Variants in EYS observed in about 807,000 individuals in gnomAD.
EYS encodes EGF-like photoreceptor maintenance factor, also known as protein eyes shut homolog.
Under a neutral mutation model 282.1 loss-of-function variants are expected in EYS, and 250 were observed. The observed-to-expected ratio is 0.89, with a 90% confidence interval of 0.80 to 0.98. EYS has a LOEUF of 0.98. Among genes scored for constraint, EYS ranks in the 50% least tolerant of loss-of-function variants. EYS has a pLI of 0.00. For synonymous variants in EYS, 1,355 were observed against 1,282.9 expected (o/e 1.06, Z -1.20); for missense variants, 4,016 against 3,709.0 (o/e 1.08, Z -2.15).
chr6:64,948,461 TTAAATATTAAATATTAA>T (rs1769367814), intron 14 of EYS, among the ~76,000 whole-genome samples: 1 of 146,962 alleles, frequency 6.8e-6, no homozygotes, highest in Admixed American at 6.9e-5. Flanking sequence ...TTTAATATTA[TTAAATATTAAATATTAA>T]TAACTATTAA....
intron 15 of EYS, among the ~76,000 whole-genome samples, chr6:64,925,812 G>A (rs1192191221): frequency 1.3e-5 from 2 of 152,130 alleles, no homozygotes; most frequent in African/African-American, 4.8e-5. Flanking sequence ...GAGGACAGAG[G>A]CAGCATAGCT....
chr6:65,325,620 TGTC>T (rs1769598214), intron 11 of EYS, among the ~76,000 whole-genome samples: 1 of 152,122 alleles, frequency 6.6e-6, no homozygotes, highest in African/African-American at 2.4e-5. Context: ...TGATTGGATG[TGTC>T]AGGGACAGGG....
At chr6:63,769,749 A>G (rs1427156856) in intron 40 of EYS, among the ~76,000 whole-genome samples, 1 of 152,026 alleles carries the variant, frequency 6.6e-6, no homozygotes, top group African/African-American at 2.4e-5. Context: ...TCTGACCGTC[A>G]ATTTTATAGC....
intron 37 of EYS, among the ~76,000 whole-genome samples, chr6:63,791,236 T>G (rs1229836188): frequency 1.3e-5 from 2 of 152,130 alleles, no homozygotes; most frequent in African/African-American, 4.8e-5. Context: ...GGGAGAACTT[T>G]GCAGCAACCC....
chr6:65,016,549 G>A (rs79456611), intron 13 of EYS, among the ~76,000 whole-genome samples: 3,435 of 152,160 alleles, frequency 0.023, 132 homozygotes, highest in African/African-American at 0.078. Context: ...TAAATAATAG[G>A]GTGGAGATAA....
intron 34 of EYS, among the ~76,000 whole-genome samples, chr6:63,991,883 C>T (rs888523237): frequency 1.3e-5 from 2 of 151,672 alleles, no homozygotes; most frequent in African/African-American, 2.4e-5. Flanking sequence ...ATGAGACTAT[C>T]AGTAGATTTT....
intron 15 of EYS, among the ~76,000 whole-genome samples, chr6:64,940,654 A>G (rs1003481139): frequency 2.0e-5 from 3 of 152,080 alleles, no homozygotes; most frequent in African/African-American, 7.2e-5. Flanking sequence ...AACTAATCCT[A>G]ACTACTGGCA....
At chr6:65,129,927 C>T (rs1187823555) in intron 12 of EYS, among the ~76,000 whole-genome samples, 1 of 151,712 alleles carries the variant, frequency 6.6e-6, no homozygotes, top group African/African-American at 2.4e-5. Flanking sequence ...CAACAGTGTA[C>T]TGGCAAAAGA....
chr6:63,911,121 T>TA (rs5876875), intron 35 of EYS, among the ~76,000 whole-genome samples: 88,871 of 143,494 alleles, frequency 0.62, 27,424 homozygotes, highest in Non-Finnish European at 0.68. Context: ...AGTCATTGGT[T>TA]AAAAAAAAAA....
chr6:64,561,982 A>C lies in EYS; in HGVS notation c.5644+28241T>G, dbSNP rs561389553. 7.9e-5 allele frequency among the ~76,000 whole-genome samples: 12 copies of C among 151,430 alleles called. No homozygotes were observed. The South Asian group carries it at 2.5e-3, about 32-fold the overall frequency. On this transcript the variant is annotated intron_variant, in intron 26 of 42. Transcript: ENST00000503581. Reference sequence around the variant, plus strand: ...AAAAGAACAAAACTGGAAGCATTCTATTACCTGACTTTATACTACAAGGCA... The same window carrying C: ...AAAAGAACAAAACTGGAAGCATTCTCTTACCTGACTTTATACTACAAGGCA...
At chr6:64,271,635 CTT>C (rs1183174391) in intron 30 of EYS, among the ~76,000 whole-genome samples, 1 of 152,010 alleles carries the variant, frequency 6.6e-6, no homozygotes, top group Non-Finnish European at 1.5e-5. Context: ...AACTTTAAAA[CTT>C]TACCTTTTTA....
intron 30 of EYS, among the ~76,000 whole-genome samples, chr6:64,261,506 G>C (rs1220805503): frequency 7.9e-5 from 12 of 151,958 alleles, no homozygotes; most frequent in African/African-American, 2.9e-4. Context: ...GCACATAAAT[G>C]GTAAATAGTA....
At chr6:64,242,911 G>A (rs1766880581) in intron 30 of EYS, among the ~76,000 whole-genome samples, 1 of 143,460 alleles carries the variant, frequency 7.0e-6, no homozygotes, top group Non-Finnish European at 1.5e-5. Context: ...TTCAAATATA[G>A]TATTCATATA....
intron 41 of EYS, among the ~76,000 whole-genome samples, chr6:63,727,934 A>G (rs1053952273): frequency 2.0e-5 from 3 of 150,122 alleles, no homozygotes; most frequent in Admixed American, 6.7e-5. Flanking sequence ...GTAAAAAAAA[A>G]AAATGCTGGG....
chr6:64,778,285 C>T (rs1052836591), intron 22 of EYS, among the ~76,000 whole-genome samples: 1 of 152,166 alleles, frequency 6.6e-6, no homozygotes, highest in Admixed American at 6.6e-5. Flanking sequence ...AGAGGAGACA[C>T]ATTTGAATTG....
At chr6:64,659,448 C>G (rs1768904151) in intron 22 of EYS, among the ~76,000 whole-genome samples, 1 of 151,880 alleles carries the variant, frequency 6.6e-6, no homozygotes, top group Admixed American at 6.6e-5. Flanking sequence ...AATCCAGGAG[C>G]TGGTTTTTTG....
rs1219495163 is a variant in EYS, at chr6:64,494,573, A to ATGAG, written c.5645-55225_5645-55222dup. Among the ~76,000 whole-genome samples, 5 of 139,752 alleles carry ATGAG rather than the reference A, an allele frequency of 3.6e-5. 1 individual carries two copies. The highest frequency in any genetic ancestry group is 3.2e-3 in the Middle Eastern group (1 of 308). 91.7% of individuals were successfully genotyped at this position (139,752 alleles called of 152,430 possible). On this transcript the variant is annotated intron_variant, in intron 26 of 42. Transcript: ENST00000503581. ...AAACTGTTATTAGTTCAATGGATTA[A>ATGAG]TGAGTGAGTGAGTGAGTAAATGCAC...
At chr6:64,719,429 G>GA (rs1322191045) in intron 22 of EYS, among the ~76,000 whole-genome samples, 1 of 152,026 alleles carries the variant, frequency 6.6e-6, no homozygotes, top group African/African-American at 2.4e-5. Context: ...TTGCTATTGG[G>GA]AAAAATATCA....
chr6:65,595,723 A>G (rs1765380750), intron 2 of EYS, among the ~76,000 whole-genome samples: 1 of 152,056 alleles, frequency 6.6e-6, no homozygotes, highest in Non-Finnish European at 1.5e-5. Context: ...ACAGTCTAGA[A>G]TTGCGACATC....
Sources: gnomAD v4.1 joint callset for allele counts (sites outside exome capture counted in the v4.1 genomes callset) on GRCh38, gnomAD v4.1.1 for gene constraint, MANE v1.5 for transcripts, NCBI Gene and HGNC (gene_info 2026-07-23, HGNC 2026-07-21) for gene names.